The following KDM4C variants were observed in gnomAD, a reference collection of about 807,000 sequenced individuals.
KDM4C encodes lysine-specific demethylase 4C.
A neutral mutation model predicts 129.3 loss-of-function variants in KDM4C; 81 were observed. The ratio of observed to expected loss-of-function variants is 0.63; its 90% CI spans 0.52 to 0.75. The LOEUF (loss-of-function observed/expected upper bound fraction) is 0.75, where lower values mean the gene tolerates loss of function less well. Among genes scored for constraint, KDM4C ranks in the 30% least tolerant of loss-of-function variants. The probability of loss-of-function intolerance (pLI) is 0.00; values close to 1 mark genes in which losing one functional copy is unlikely to be tolerated. For missense variants in KDM4C, 1,457 were observed against 1,304.0 expected, an observed-to-expected ratio of 1.12 and a Z score of -1.81; for synonymous variants, 573 against 456.1, an observed-to-expected ratio of 1.26 and a Z score of -3.26.
At chr9:6,735,861 C>T (rs1400787766) in intron 1 of KDM4C, among the ~76,000 whole-genome samples, 4 of 152,150 alleles carry the variant, frequency 2.6e-5, no homozygotes, top group Non-Finnish European at 5.9e-5. Context: ...GTTTGGAGGG[C>T]TCAGAAGAAG....
intron 15 of KDM4C, among the ~76,000 whole-genome samples, chr9:7,043,514 T>C (rs1828922359): frequency 6.6e-6 from 1 of 152,056 alleles, no homozygotes; most frequent in Admixed American, 6.6e-5. Flanking sequence ...AATTGTCTTA[T>C]CTGTTATGTT....
chr9:7,069,625 C>T (rs1174591724), intron 17 of KDM4C, among the ~76,000 whole-genome samples: 3 of 152,150 alleles, frequency 2.0e-5, no homozygotes, highest in African/African-American at 7.2e-5. Context: ...TTGGTTACTT[C>T]TTATGTAATT....
intron 8 of KDM4C, among the ~76,000 whole-genome samples, chr9:6,931,721 G>C (rs541067336): frequency 6.6e-6 from 1 of 152,186 alleles, no homozygotes; most frequent in South Asian, 2.1e-4. Context: ...GGCTGGTCTT[G>C]AACTGCTGGA....
intron 2 of KDM4C, among the ~76,000 whole-genome samples, chr9:6,800,025 C>T (rs765970804): frequency 1.1e-4 from 16 of 151,632 alleles, no homozygotes; most frequent in Non-Finnish European, 1.6e-4. Flanking sequence ...GAGTTCGAGA[C>T]CAGCCCTGGC....
At chr9:7,085,654 G>C (rs1304812223) in intron 17 of KDM4C, among the ~76,000 whole-genome samples, 1 of 152,108 alleles carries the variant, frequency 6.6e-6, no homozygotes, top group Non-Finnish European at 1.5e-5. Flanking sequence ...TCATAGGAGC[G>C]AGAGGGTTTT....
chr9:7,070,642 T>A (rs189715005), intron 17 of KDM4C, among the ~76,000 whole-genome samples: 5 of 152,288 alleles, frequency 3.3e-5, no homozygotes, highest in Non-Finnish European at 1.5e-5. Flanking sequence ...AAAAAACATT[T>A]AACTGGATTT....
chr9:6,781,742 A>C (rs1327189787), intron 1 of KDM4C, among the ~76,000 whole-genome samples: 3 of 152,090 alleles, frequency 2.0e-5, no homozygotes, highest in Non-Finnish European at 4.4e-5. Flanking sequence ...GGGCAATTCA[A>C]ATTTTTCATT....
intron 15 of KDM4C, among the ~76,000 whole-genome samples, chr9:7,034,303 T>G (rs1003101238): frequency 6.6e-6 from 1 of 152,336 alleles, no homozygotes; most frequent in East Asian, 1.9e-4. Context: ...AATATAGAAC[T>G]TAGTCCTATC....
intron 8 of KDM4C, among the ~76,000 whole-genome samples, chr9:6,945,059 C>T (rs1279324082): frequency 6.6e-6 from 1 of 151,908 alleles, no homozygotes; most frequent in African/African-American, 2.4e-5. Flanking sequence ...CTTATGTGAT[C>T]TCCTTCTCAC....
chr9:6,982,184 C>G (rs1816879910), intron 9 of KDM4C: 1 of 151,462 alleles, frequency 6.6e-6, no homozygotes, highest in Admixed American at 6.6e-5. Context: ...AATTTTACAT[C>G]TTTGCCCAGA....
At chr9:6,837,316 C>G (rs911373465) in intron 4 of KDM4C, among the ~76,000 whole-genome samples, 1 of 152,184 alleles carries the variant, frequency 6.6e-6, no homozygotes, top group East Asian at 1.9e-4. Flanking sequence ...CTCAGCCTTC[C>G]AAAGTATTAC....
chr9:6,841,709 G>A (rs538224350), intron 4 of KDM4C, among the ~76,000 whole-genome samples: 12 of 152,148 alleles, frequency 7.9e-5, no homozygotes, highest in Non-Finnish European at 1.6e-4. Context: ...AGTTTCTCAG[G>A]TTTGTGGGCA....
intron 12 of KDM4C, among the ~76,000 whole-genome samples, chr9:6,992,154 G>C (rs1818871935): frequency 6.6e-6 from 1 of 152,056 alleles, no homozygotes; most frequent in Admixed American, 6.6e-5. Context: ...TCCCATGGTA[G>C]ACTCTCTTCA....
chr9:7,024,910 C>G lies in KDM4C; in HGVS notation c.2259+8981C>G, dbSNP rs138404363. 3.6e-4 allele frequency among the ~76,000 whole-genome samples: 55 copies of G among 152,334 alleles called. No individual in the cohort carries two copies. The East Asian group carries it at 9.6e-3, about 27-fold the overall frequency. On this transcript the variant is annotated intron_variant, in intron 15 of 21. Transcript: ENST00000381309. ...TCTAGATCCCTGAGGAATCGCCACA[C>G]CAACTTCCACAGTGGTTGAACTAGT...
chr9:6,891,020 T>C (rs1846044979), intron 7 of KDM4C, among the ~76,000 whole-genome samples: 1 of 152,200 alleles, frequency 6.6e-6, no homozygotes, highest in South Asian at 2.1e-4. Context: ...CATTTCAGAA[T>C]TGTTGGGAAA....
intron 19 of KDM4C, among the ~76,000 whole-genome samples, chr9:7,147,591 A>T (rs1254397281): frequency 6.6e-6 from 1 of 152,178 alleles, no homozygotes; most frequent in East Asian, 1.9e-4. Flanking sequence ...TCCTATATAG[A>T]TGGAGCTTTT....
intron 5 of KDM4C, among the ~76,000 whole-genome samples, chr9:6,866,425 T>C (rs1397459912): frequency 6.6e-6 from 1 of 152,158 alleles, no homozygotes; most frequent in African/African-American, 2.4e-5. Context: ...GTGAGAGGGC[T>C]AGCTAGGGGT....
intron 1 of KDM4C, among the ~76,000 whole-genome samples, chr9:6,779,770 A>G (rs1408694592): frequency 6.6e-6 from 1 of 152,216 alleles, no homozygotes; most frequent in African/African-American, 2.4e-5. Flanking sequence ...CTATTATCAA[A>G]TATAAACTGA....
At chr9:7,105,631 T>TA (rs773939057) in intron 18 of KDM4C, 5 of 354,650 alleles carry the variant, frequency 1.4e-5, no homozygotes, top group Non-Finnish European at 2.3e-5. Flanking sequence ...CATACTCTAT[T>TA]ATTTGGTGAA....
Sources: allele counts gnomAD v4.1 joint callset (sites outside exome capture counted in the v4.1 genomes callset), GRCh38; gene constraint gnomAD v4.1.1; transcripts MANE v1.5; gene names NCBI Gene and HGNC (gene_info 2026-07-23, HGNC 2026-07-21).